The following ELP1 variants were observed in gnomAD, a reference collection of about 807,000 sequenced individuals.
ELP1 encodes elongator acetyltransferase complex subunit 1.
ELP1 carries 131 observed loss-of-function variants against 183.2 expected under a neutral mutation model. The ratio of observed to expected loss-of-function variants is 0.72; its 90% confidence interval spans 0.62 to 0.83. The LOEUF (loss-of-function observed/expected upper bound fraction) is 0.83, where lower values mean the gene tolerates loss of function less well. Ranked by LOEUF, ELP1 falls within the 40% of genes least tolerant of loss-of-function variation. ELP1 has a pLI of 0.00. For synonymous variants in ELP1, 555 were observed against 569.0 expected (o/e 0.98, Z 0.35); for missense variants, 1,550 against 1,594.9 (o/e 0.97, Z 0.48).
chr9:108,875,031 C>T (rs1481380871), intron 35 of ELP1, 61 bp from the exon 36 acceptor site: 2 of 1,101,940 alleles, frequency 1.8e-6, no homozygotes, highest in African/African-American at 1.5e-5. Context: ...ACTGCCAATA[C>T]CAAAGGCCAA....
At chr9:108,920,403 T>A (rs1437834751) in intron 6 of ELP1, among the ~76,000 whole-genome samples, 1 of 152,080 alleles carries the variant, frequency 6.6e-6, no homozygotes, top group Admixed American at 6.5e-5. Context: ...TACCTTAGCT[T>A]CTCAAGTAGC....
intron 35 of ELP1, among the ~76,000 whole-genome samples, chr9:108,876,265 C>T (rs1186400507): frequency 6.6e-6 from 1 of 152,088 alleles, no homozygotes. Context: ...GAGTGAGACC[C>T]TGTCTCAAAA....
intron 5 of ELP1, among the ~76,000 whole-genome samples, chr9:108,923,173 CAGCCTGGGCAACATAGGG>C (rs1479128343): frequency 6.6e-6 from 1 of 152,108 alleles, no homozygotes; most frequent in Non-Finnish European, 1.5e-5. Context: ...AGTTCGAGAC[CAGCCTGGGCAACATAGGG>C]AGACACCCAT....
chr9:108,869,659 A>G (rs538918725), intron 36 of ELP1, among the ~76,000 whole-genome samples: 134 of 152,074 alleles, frequency 8.8e-4, no homozygotes, highest in African/African-American at 3.1e-3. Flanking sequence ...GTTGATCAAT[A>G]AAGATGCCCC....
At chr9:108,895,942 T>C (rs1024132310) in intron 25 of ELP1, among the ~76,000 whole-genome samples, 16 of 152,192 alleles carry the variant, frequency 1.1e-4, no homozygotes, top group African/African-American at 3.4e-4. Flanking sequence ...CTCACACATA[T>C]GCCCATCATC....
chr9:108,927,399 C>G lies in ELP1; in HGVS notation c.358G>C (p.Asp120His). ...SGISVMSWSPDQELVLLATGQ... is the reference protein window; with the variant it reads ...SGISVMSWSPHQELVLLATGQ... ...GTGGCAAGAAGCACCAGCTCTTGGT[C>G]AGGACTCCAACTCATAACAGAGATA... Residue 120 changes from aspartate (D) to histidine (H), a missense_variant, in exon 4 of 37, where the codon GAC (aspartate) becomes CAC (histidine). Transcript: ENST00000374647. The G allele has an allele frequency of 2.5e-6, 4 of 1,613,796 alleles. No individual in the cohort carries two copies. The highest frequency in any genetic ancestry group is 1.3e-5 in the African/African-American group (1 of 75,020).
rs1829488464 is a variant in ELP1 at position 108,917,575 on chromosome 9, G to A, written c.836C>T (p.Thr279Ile). Residue 279 changes from threonine (T) to isoleucine (I), a missense_variant, in exon 9 of 37, where the codon ACA becomes ATA. Transcript: ENST00000374647. ...EKNGLLHGHF[T>I]LPFLKDEVKV... is the part of the protein sequence containing the mutation. ...AACCTCATCTTTAAGGAAGGGAAGT[G>A]TAAAGTGTCCATGAAGGAGTCCATT... The A allele has an allele frequency of 6.2e-7, 1 of 1,613,882 alleles. No homozygotes were observed. Among genetic ancestry groups the A allele is most frequent in the Non-Finnish European group, 8.5e-7 (1 of 1,179,924 alleles).
At chr9:108,884,354 G>C (rs963526685) in intron 29 of ELP1, among the ~76,000 whole-genome samples, 1 of 152,020 alleles carries the variant, frequency 6.6e-6, no homozygotes, top group African/African-American at 2.4e-5. Context: ...CAAGTAGTGA[G>C]GAAATCAATA....
intron 9 of ELP1, among the ~76,000 whole-genome samples, 174 bp from the exon 10 acceptor site, chr9:108,916,471 T>G (rs1326162751): frequency 2.0e-5 from 3 of 152,194 alleles, no homozygotes; most frequent in Non-Finnish European, 4.4e-5. Flanking sequence ...ATGTCATTAT[T>G]ATGTAGAGGA....
intron 14 of ELP1, among the ~76,000 whole-genome samples, chr9:108,905,757 C>T (rs1457510968): frequency 6.6e-6 from 1 of 151,978 alleles, no homozygotes; most frequent in African/African-American, 2.4e-5. Flanking sequence ...TGGGGTATGG[C>T]CTATTGCTAC....
rs764797085 is a variant in ELP1 at position 108,902,883 on chromosome 9, G to A, written c.1810C>T (p.Pro604Ser). Residue 604 changes from proline (P) to serine (S), a missense_variant, in exon 16 of 37, where the codon CCT becomes TCT. Coordinates refer to ENST00000374647, the MANE Select transcript of ELP1 (RefSeq NM_003640.5). ...KNSGGFPVRF[P>S]YPCTQTELAM... ...AATTCGGTCTGGGTGCATGGATAAG[G>A]AAACCGAACAGGAAATCCACCAGAG... 6.2e-7 allele frequency: 1 copy of A among 1,613,984 alleles called. No individual in the cohort carries two copies. The highest frequency in any genetic ancestry group is 1.6e-4 in the Middle Eastern group (1 of 6,062).
chr9:108,891,429 T>C, intron 27 of ELP1, 25 bp from the exon 28 acceptor site: 1 of 1,601,094 alleles, frequency 6.2e-7, no homozygotes, highest in Non-Finnish European at 8.5e-7. Context: ...GATTTAGGAC[T>C]GAGGAGGAAA....
intron 9 of ELP1, among the ~76,000 whole-genome samples, chr9:108,916,945 T>C (rs957078643): frequency 2.6e-5 from 4 of 152,292 alleles, no homozygotes; most frequent in African/African-American, 9.6e-5. Flanking sequence ...ATGTTATAAA[T>C]GAAAAACATC....
At chr9:108,889,428 T>A (rs576033257) in intron 28 of ELP1, 35 bp from the exon 29 acceptor site, 205 of 1,582,900 alleles carry the variant, frequency 1.3e-4, no homozygotes, top group Non-Finnish European at 1.5e-4. Flanking sequence ...GACTACAAAG[T>A]TAAACAGATA....
chr9:108,910,149 C>A (rs150955113), intron 12 of ELP1, among the ~76,000 whole-genome samples: 1 of 152,194 alleles, frequency 6.6e-6, no homozygotes, highest in East Asian at 1.9e-4. Context: ...TGACAATGAA[C>A]ATATTTGCAC....
intron 18 of ELP1, among the ~76,000 whole-genome samples, chr9:108,901,115 G>C (rs916433781): frequency 6.6e-5 from 10 of 151,792 alleles, no homozygotes; most frequent in Non-Finnish European, 1.0e-4. Flanking sequence ...AAAACATTGG[G>C]GATCTACATA....
intron 13 of ELP1, among the ~76,000 whole-genome samples, chr9:108,907,212 A>G (rs1441605692): frequency 6.6e-6 from 1 of 152,024 alleles, no homozygotes; most frequent in Non-Finnish European, 1.5e-5. Flanking sequence ...TTCTTTGCCA[A>G]CCCCAAACCT....
chr9:108,880,952 T>C (rs1242820294), intron 31 of ELP1, among the ~76,000 whole-genome samples: 2 of 152,218 alleles, frequency 1.3e-5, no homozygotes, highest in African/African-American at 4.8e-5. Flanking sequence ...ACAGGGTAGA[T>C]GTGCATAAAA....
intron 25 of ELP1, among the ~76,000 whole-genome samples, chr9:108,895,976 G>C (rs567829144): frequency 1.6e-4 from 25 of 152,276 alleles, no homozygotes; most frequent in African/African-American, 5.8e-4. Context: ...TGTAATTTTA[G>C]GCCGCACATG....
Sources: allele counts gnomAD v4.1 joint callset (sites outside exome capture counted in the v4.1 genomes callset), GRCh38; gene constraint gnomAD v4.1.1; transcripts MANE v1.5; gene names NCBI Gene and HGNC (gene_info 2026-07-23, HGNC 2026-07-21).